MRTFA: variants seen among roughly 807,000 people sequenced by gnomAD.
MRTFA encodes myocardin-related transcription factor A.
MRTFA carries 20 observed loss-of-function variants against 83.5 expected under a neutral mutation model. The ratio of observed to expected loss-of-function variants is 0.24; its 90% CI spans 0.17 to 0.35. The LOEUF is 0.35. MRTFA is among the 10% of genes least tolerant of loss of function. MRTFA has a pLI of 1.00. For missense variants in MRTFA, 1,200 were observed against 1,224.7 expected (o/e 0.98, Z 0.30); for synonymous variants, 659 against 541.2 (o/e 1.22, Z -3.02).
chr22:40,509,461 T>A (rs1236024353), intron 3 of MRTFA, among the ~76,000 whole-genome samples: 1 of 152,228 alleles, frequency 6.6e-6, no homozygotes, highest in Non-Finnish European at 1.5e-5. Context: ...ATTCTCCCCA[T>A]AGCCGAAAGA....
intron 2 of MRTFA, 49 bp from the exon 3 acceptor site, chr22:40,552,416 T>C (rs953062394): frequency 1.3e-5 from 5 of 396,536 alleles, no homozygotes; most frequent in Non-Finnish European, 2.2e-5. Context: ...CATGATAATA[T>C]GGTTTGGTGG....
At chr22:40,459,306 C>T (rs2053654086) in intron 4 of MRTFA, among the ~76,000 whole-genome samples, 2 of 148,130 alleles carry the variant, frequency 1.4e-5, no homozygotes, top group South Asian at 2.1e-4. Context: ...CATGTACCAA[C>T]AGGGACGTAA....
At chr22:40,535,467 C>T (rs748301569) in intron 3 of MRTFA, among the ~76,000 whole-genome samples, 24 of 148,140 alleles carry the variant, frequency 1.6e-4, no homozygotes, top group Non-Finnish European at 2.4e-4. Flanking sequence ...ATCCTCCTAC[C>T]TCAGCCTCCC....
At position 40,420,772 on chromosome 22, in the gene MRTFA, CA is replaced by C. The variant is rs912838701; in HGVS notation, c.1181+74del. 10 of 1,592,168 alleles carry C rather than the reference CA, an allele frequency of 6.3e-6. No individual in the cohort carries two copies. The African/African-American group carries it at 9.3e-5, about 15-fold the overall frequency. On this transcript the variant is annotated intron_variant, in intron 10 of 14. Coordinates refer to ENST00000355630, the MANE Select transcript of MRTFA (RefSeq NM_020831.6). ...TCCTTAAAGATGTGAGGTTCACCCC[CA>C]CCAGACCTGGCACCTGCCTGGCTCA...
intron 3 of MRTFA, among the ~76,000 whole-genome samples, chr22:40,493,522 TTA>T (rs2054303182): frequency 6.6e-6 from 1 of 152,096 alleles, no homozygotes; most frequent in Admixed American, 6.6e-5. Context: ...CAATAAATAT[TTA>T]TAAAGTGGAA....
intron 2 of MRTFA, among the ~76,000 whole-genome samples, chr22:40,554,036 T>C (rs1325954941): frequency 6.6e-6 from 1 of 152,220 alleles, no homozygotes; most frequent in African/African-American, 2.4e-5. Context: ...ATGGGGCCTG[T>C]AGCCCCTTTG....
At position 40,467,564 on chromosome 22, in the gene MRTFA, T is replaced by C. The variant is rs149884704; in HGVS notation, c.242-4278A>G. The stretch of plus-strand genomic sequence containing the variant: ...TTTCAGTAAATACCACAGAGCCATA[T>C]GTTCTGTGTTCACTGCCAAAGTTAC... On this transcript the variant is annotated intron_variant, in intron 3 of 14. Transcript: ENST00000355630. Among the ~76,000 whole-genome samples, 335 of 152,264 alleles carry C rather than the reference T, an allele frequency of 2.2e-3. 1 individual carries two copies. Among genetic ancestry groups the C allele is most frequent in the African/African-American group, 7.7e-3 (322 of 41,562 alleles).
chr22:40,535,348 C>CTTT (rs531303160), intron 3 of MRTFA, among the ~76,000 whole-genome samples: 5,234 of 106,900 alleles, frequency 0.049, 655 homozygotes, highest in African/African-American at 0.069. Flanking sequence ...GAGGTTTTTT[C>CTTT]TTTTTTTTTT....
intron 2 of MRTFA, among the ~76,000 whole-genome samples, chr22:40,588,955 C>G (rs2147373120): frequency 6.6e-6 from 1 of 152,062 alleles, no homozygotes; most frequent in East Asian, 1.9e-4. Flanking sequence ...GCATTCCAGC[C>G]TGGGGCAATA....
chr22:40,552,619 TGAA>T (rs2055458844), intron 2 of MRTFA, among the ~76,000 whole-genome samples: 1 of 152,236 alleles, frequency 6.6e-6, no homozygotes, highest in Non-Finnish European at 1.5e-5. Flanking sequence ...TGCCACCATG[TGAA>T]GAAGGACATG....
intron 3 of MRTFA, among the ~76,000 whole-genome samples, chr22:40,527,786 A>G (rs2055003365): frequency 1.3e-5 from 2 of 151,732 alleles, no homozygotes; most frequent in Admixed American, 1.3e-4. Flanking sequence ...AGCATGTGGT[A>G]ATCATAAAAG....
At chr22:40,469,984 G>C (rs2053871322) in intron 3 of MRTFA, among the ~76,000 whole-genome samples, 2 of 151,728 alleles carry the variant, frequency 1.3e-5, no homozygotes, top group Admixed American at 6.6e-5. Context: ...AACACTTTGG[G>C]AGGCCAAGAC....
At position 40,498,889 on chromosome 22, in the gene MRTFA, T is replaced by G. The variant is rs148320045; in HGVS notation, c.242-35603A>C. 5.3e-3 allele frequency among the ~76,000 whole-genome samples: 812 copies of G among 152,322 alleles called. 4 individuals are homozygous for G. The highest frequency in any genetic ancestry group is 8.3e-3 in the Non-Finnish European group (565 of 68,024). Reference sequence around the variant, plus strand: ...TAACCTCTCTAAGCTTTCATTTCCTTACCTGAAAATAAAGATAATATGACC... The same window carrying G: ...TAACCTCTCTAAGCTTTCATTTCCTGACCTGAAAATAAAGATAATATGACC... On this transcript the variant is annotated intron_variant, in intron 3 of 14. Transcript: ENST00000355630.
intron 3 of MRTFA, among the ~76,000 whole-genome samples, chr22:40,542,012 ATTTAT>A (rs2055299196): frequency 1.4e-5 from 2 of 146,724 alleles, no homozygotes; most frequent in African/African-American, 5.0e-5. Flanking sequence ...ATTTTTATTT[ATTTAT>A]TTTAAGACAG....
chr22:40,429,362 G>A (rs1602228020), intron 7 of MRTFA: 6 of 648,128 alleles, frequency 9.3e-6, no homozygotes, highest in Non-Finnish European at 1.7e-5. Context: ...AAAGTGAACA[G>A]AGCAAGGCCT....
intron 3 of MRTFA, among the ~76,000 whole-genome samples, chr22:40,513,602 CAAAAAAAAAA>C (rs111580647): frequency 1.0e-3 from 67 of 65,930 alleles, no homozygotes; most frequent in African/African-American, 1.4e-3. Flanking sequence ...GACTCCATCT[CAAAAAAAAAA>C]AAAAAAGAAA....
At chr22:40,434,629 G>A (rs139044289) in intron 5 of MRTFA, among the ~76,000 whole-genome samples, 162 of 152,308 alleles carry the variant, frequency 1.1e-3, no homozygotes, top group African/African-American at 3.8e-3. Flanking sequence ...GGCTGAGGCA[G>A]GAGAATCGCT....
chr22:40,457,413 A>AGG (rs2053604356), intron 4 of MRTFA, among the ~76,000 whole-genome samples: 1 of 145,684 alleles, frequency 6.9e-6, no homozygotes, highest in African/African-American at 2.6e-5. Flanking sequence ...AAAGAGAGAG[A>AGG]GAGACAGAAT....
At chr22:40,594,243 C>T (rs1190582528) in intron 2 of MRTFA, among the ~76,000 whole-genome samples, 1 of 152,208 alleles carries the variant, frequency 6.6e-6, no homozygotes, top group Non-Finnish European at 1.5e-5. Flanking sequence ...TGCATTTAGT[C>T]TACCATTCAC....
Sources: allele counts gnomAD v4.1 joint callset (sites outside exome capture counted in the v4.1 genomes callset), GRCh38; gene constraint gnomAD v4.1.1; transcripts MANE v1.5; gene names NCBI Gene and HGNC (gene_info 2026-07-23, HGNC 2026-07-21).